The following CCSER1 variants were observed in gnomAD, a reference collection of about 807,000 sequenced individuals.
CCSER1 encodes the protein coiled-coil serine rich protein 1, also known as serine-rich coiled-coil domain-containing protein 1.
Under a neutral mutation model 82.0 loss-of-function variants are expected in CCSER1, and 41 were observed. The observed-to-expected ratio is 0.50, with a 90% CI of 0.39 to 0.65. The LOEUF (loss-of-function observed/expected upper bound fraction) is 0.65, where lower values mean the gene tolerates loss of function less well. Ranked by LOEUF, CCSER1 falls within the 30% of genes least tolerant of loss-of-function variation. The pLI, the probability that CCSER1 is intolerant of heterozygous loss-of-function variation, is 0.00. For synonymous variants in CCSER1, 414 were observed against 383.9 expected (o/e 1.08, Z -0.92); for missense variants, 1,119 against 1,064.2 (o/e 1.05, Z -0.72).
intron 9 of CCSER1, among the ~76,000 whole-genome samples, chr4:91,049,847 T>C (rs973200448): frequency 6.6e-6 from 1 of 152,226 alleles, no homozygotes; most frequent in Non-Finnish European, 1.5e-5. Flanking sequence ...GATTTTCCAA[T>C]TTTACATTTC....
At chr4:90,926,903 C>T (rs1006023500) in intron 9 of CCSER1, among the ~76,000 whole-genome samples, 1 of 151,966 alleles carries the variant, frequency 6.6e-6, no homozygotes, top group African/African-American at 2.4e-5. Flanking sequence ...CATTGCTGCC[C>T]ATTTCAAGAT....
rs145519014 is a variant in CCSER1, at chr4:90,596,357, G to T, written c.1725-31668G>T. On this transcript the variant is annotated intron_variant, in intron 5 of 10. Transcript: ENST00000509176. ...GCTTTTTCATGGTCTGTTCATATCTGATTTTCATTATGGTGAAGTAAAAAT... is the reference window on the plus strand; with the variant it reads ...GCTTTTTCATGGTCTGTTCATATCTTATTTTCATTATGGTGAAGTAAAAAT... 1.1e-4 allele frequency among the ~76,000 whole-genome samples: 17 copies of T among 151,772 alleles called. No homozygotes were observed. In the East Asian group the frequency reaches 3.1e-3, roughly 28 times the overall value.
intron 1 of CCSER1, among the ~76,000 whole-genome samples, chr4:90,154,071 G>T (rs375573414): frequency 6.7e-6 from 1 of 150,088 alleles, no homozygotes; most frequent in East Asian, 2.0e-4. Flanking sequence ...GTAAGGAAGG[G>T]ATCCAGTTTC....
At chr4:90,505,280 A>G (rs889258468) in intron 5 of CCSER1, among the ~76,000 whole-genome samples, 4 of 152,256 alleles carry the variant, frequency 2.6e-5, no homozygotes, top group African/African-American at 9.6e-5. Flanking sequence ...CACCCAGACA[A>G]TGGCAGACTG....
intron 10 of CCSER1, among the ~76,000 whole-genome samples, chr4:91,177,416 C>T (rs1055846754): frequency 6.6e-6 from 1 of 152,164 alleles, no homozygotes; most frequent in African/African-American, 2.4e-5. Flanking sequence ...CTTTGTACGT[C>T]TGGTAGAATT....
intron 9 of CCSER1, among the ~76,000 whole-genome samples, chr4:90,984,564 C>T (rs966512198): frequency 6.6e-6 from 1 of 151,638 alleles, no homozygotes; most frequent in African/African-American, 2.4e-5. Context: ...AAACAAGTGT[C>T]TCTTAGTTGA....
intron 10 of CCSER1, among the ~76,000 whole-genome samples, chr4:91,329,090 T>C (rs1329047550): frequency 2.0e-5 from 3 of 152,224 alleles, no homozygotes; most frequent in Non-Finnish European, 4.4e-5. Context: ...CTCAGTTTTA[T>C]CTTTATTAGC....
intron 10 of CCSER1, among the ~76,000 whole-genome samples, chr4:91,529,023 G>A (rs922855534): frequency 3.9e-5 from 6 of 152,020 alleles, no homozygotes; most frequent in Non-Finnish European, 7.4e-5. Flanking sequence ...ATTAAAATGT[G>A]ACCAATTTTG....
intron 8 of CCSER1, among the ~76,000 whole-genome samples, chr4:90,881,169 CT>C (rs778118101): frequency 1.3e-4 from 20 of 151,912 alleles, no homozygotes; most frequent in Non-Finnish European, 2.6e-4. Flanking sequence ...AAAGTTTATA[CT>C]TTCACTATAC....
chr4:90,223,404 T>C (rs978570718), intron 1 of CCSER1, among the ~76,000 whole-genome samples: 15 of 152,176 alleles, frequency 9.9e-5, no homozygotes, highest in African/African-American at 3.4e-4. Flanking sequence ...TTATTTATAT[T>C]GATGGAGGGA....
intron 10 of CCSER1, among the ~76,000 whole-genome samples, chr4:91,195,789 A>T (rs1291166515): frequency 6.6e-6 from 1 of 152,208 alleles, no homozygotes; most frequent in Non-Finnish European, 1.5e-5. Flanking sequence ...ACTGAGGGCC[A>T]CACGATCATG....
At chr4:91,227,534 T>C (rs1738298778) in intron 10 of CCSER1, among the ~76,000 whole-genome samples, 1 of 151,764 alleles carries the variant, frequency 6.6e-6, no homozygotes, top group African/African-American at 2.4e-5. Context: ...TTTTTTTAGA[T>C]TCATGGGGTA....
chr4:90,806,129 G>A (rs1218070015), intron 7 of CCSER1, among the ~76,000 whole-genome samples: 1 of 152,174 alleles, frequency 6.6e-6, no homozygotes, highest in African/African-American at 2.4e-5. Context: ...TTATGTGAAT[G>A]TTGCCACTGT....
chr4:90,164,930 G>T (rs1730178061), intron 1 of CCSER1, among the ~76,000 whole-genome samples: 1 of 152,106 alleles, frequency 6.6e-6, no homozygotes, highest in South Asian at 2.1e-4. Flanking sequence ...AAATGGGCCA[G>T]AAGGCAGGAT....
intron 8 of CCSER1, among the ~76,000 whole-genome samples, chr4:90,865,132 G>A (rs1441701451): frequency 1.3e-5 from 2 of 151,946 alleles, no homozygotes; most frequent in Non-Finnish European, 2.9e-5. Context: ...GTAAAATCAT[G>A]TAAAATTGAT....
At chr4:90,540,597 G>A (rs759117520) in intron 5 of CCSER1, among the ~76,000 whole-genome samples, 1 of 152,018 alleles carries the variant, frequency 6.6e-6, no homozygotes, top group South Asian at 2.1e-4. Flanking sequence ...AAATGCCCAT[G>A]GAGAAGAGAC....
intron 8 of CCSER1, among the ~76,000 whole-genome samples, chr4:90,837,939 C>G (rs1334924990): frequency 1.3e-5 from 2 of 152,004 alleles, no homozygotes; most frequent in East Asian, 1.9e-4. Context: ...ATATTTGGTG[C>G]TTAGTTTTTT....
At chr4:91,124,278 CCAAA>C (rs1360314396) in intron 10 of CCSER1, among the ~76,000 whole-genome samples, 15 of 151,592 alleles carry the variant, frequency 9.9e-5, no homozygotes, top group East Asian at 1.9e-4. Flanking sequence ...ATCTGTGCAA[CCAAA>C]CATAGTGTAA....
At chr4:90,718,402 A>T (rs1177511592) in intron 6 of CCSER1, among the ~76,000 whole-genome samples, 1 of 152,112 alleles carries the variant, frequency 6.6e-6, no homozygotes, top group African/African-American at 2.4e-5. Context: ...TTATGCTTTC[A>T]GGGGAGGCAT....
Sources: allele counts gnomAD v4.1 joint callset (sites outside exome capture counted in the v4.1 genomes callset), GRCh38; gene constraint gnomAD v4.1.1; transcripts MANE v1.5; gene names NCBI Gene and HGNC (gene_info 2026-07-23, HGNC 2026-07-21).